COL24A1: variants seen among roughly 807,000 people sequenced by gnomAD.
COL24A1 encodes collagen alpha-1(XXIV) chain.
Under a neutral mutation model 253.9 loss-of-function variants are expected in COL24A1, and 224 were observed. The observed-to-expected ratio is 0.88, with a 90% CI of 0.79 to 0.99. The LOEUF (loss-of-function observed/expected upper bound fraction) is 0.99. Among genes scored for constraint, COL24A1 ranks in the 50% least tolerant of loss-of-function variants. COL24A1 has a pLI of 0.00. For synonymous variants in COL24A1, 685 were observed against 673.7 expected (o/e 1.02, Z -0.26); for missense variants, 2,131 against 2,068.5 (o/e 1.03, Z -0.59).
At chr1:86,031,607 G>A (rs149474008) in intron 14 of COL24A1, among the ~76,000 whole-genome samples, 373 of 152,082 alleles carry the variant, frequency 2.5e-3, no homozygotes, top group African/African-American at 8.6e-3. Context: ...TTTGTCTTAA[G>A]TATCCTTTAG....
intron 39 of COL24A1, among the ~76,000 whole-genome samples, chr1:85,843,334 A>T (rs946496772): frequency 2.0e-5 from 3 of 152,190 alleles, no homozygotes; most frequent in Non-Finnish European, 4.4e-5. Context: ...TTTCAGTCTA[A>T]AAAAGGAATT....
At chr1:86,142,455 A>ATG in intron 2 of COL24A1, among the ~76,000 whole-genome samples, 1 of 151,332 alleles carries the variant, frequency 6.6e-6, no homozygotes, top group Admixed American at 6.6e-5. Flanking sequence ...CCTGGGAGGC[A>ATG]GAGCTTGCAG....
chr1:86,083,025 C>T (rs1393862953), intron 7 of COL24A1, among the ~76,000 whole-genome samples: 3 of 151,958 alleles, frequency 2.0e-5, no homozygotes, highest in East Asian at 3.9e-4. Context: ...TGGCCGGGCA[C>T]GGTGGCTCAC....
At position 86,133,838 on chromosome 1, in the gene COL24A1, G is replaced by C. The variant is rs560099104; in HGVS notation, c.122-7624C>G. On this transcript the variant is annotated intron_variant, in intron 2 of 59. Coordinates refer to ENST00000370571, the MANE Select transcript of COL24A1 (RefSeq NM_152890.7). ...TTTTGTTGTGTCTCTGCCAGGCTTTGGTATCAGGATGATGCTGGCCTCATC... is the reference window on the plus strand; with the variant it reads ...TTTTGTTGTGTCTCTGCCAGGCTTTCGTATCAGGATGATGCTGGCCTCATC... Among the ~76,000 whole-genome samples the C allele has an allele frequency of 1.4e-4, 22 of 152,116 alleles. No homozygotes were observed. The South Asian group carries it at 4.6e-3, about 32-fold the overall frequency.
At position 85,943,368 on chromosome 1, in the gene COL24A1, T is replaced by C. The variant is rs115430248; in HGVS notation, c.2562+17881A>G. On this transcript the variant is annotated intron_variant, in intron 24 of 59. Coordinates refer to ENST00000370571, the MANE Select transcript of COL24A1 (RefSeq NM_152890.7). Reference sequence around the variant, plus strand: ...ACCATAATCATGTGAGCCAATTCTCTTAGTAAGTCCTTTCTCATATATCTG... The same window carrying C: ...ACCATAATCATGTGAGCCAATTCTCCTAGTAAGTCCTTTCTCATATATCTG... Among the ~76,000 whole-genome samples, 1,168 of 152,332 alleles carry C rather than the reference T, an allele frequency of 7.7e-3. 12 individuals are homozygous for C. The highest frequency in any genetic ancestry group is 0.027 in the Middle Eastern group (8 of 294).
Position 85,761,334 on chromosome 1 carries a change from T to A in COL24A1, c.4437+62A>T, listed in dbSNP as rs565997983. The A allele has an allele frequency of 1.2e-4, 187 of 1,568,686 alleles. 1 individual carries two copies. In the African/African-American group the frequency reaches 2.5e-3, roughly 21 times the overall value. ...TTAATAGAGAGTTAACAGAAGGATA[T>A]TTAAAAAGTTAATATGACATACTAA... On this transcript the variant is annotated intron_variant, in intron 55 of 59. Transcript: ENST00000370571.
chr1:85,945,017 T>TTTTTTTTTG lies in COL24A1; in HGVS notation c.2562+16231_2562+16232insCAAAAAAAA, dbSNP rs1689166633. Among the ~76,000 whole-genome samples, 29 of 92,744 alleles carry TTTTTTTTTG rather than the reference T, an allele frequency of 3.1e-4. 1 individual carries two copies. The highest frequency in any genetic ancestry group is 6.3e-4 in the Admixed American group (5 of 7,898). The allele number at this position is 92,744 out of a possible 152,430, so 60.8% of individuals were successfully genotyped here. ...CTATCATTGTGTTTTTTTTTTTTTT[T>TTTTTTTTTG]TTTTTTTTTTTTTTTTTTGAGACAG... On this transcript the variant is annotated intron_variant, in intron 24 of 59. Transcript: ENST00000370571.
Position 86,015,883 on chromosome 1 carries a change from C to CT in COL24A1, c.2310+1267dup, listed in dbSNP as rs34005326. On this transcript the variant is annotated intron_variant, in intron 19 of 59. Transcript: ENST00000370571. ...TGAAGTTTTGAAGACTCTACTTTTT[C>CT]TTTTTTTTTTTTTTTTTTGGAGACG... Among the ~76,000 whole-genome samples, 963 of 136,204 alleles carry CT rather than the reference C, an allele frequency of 7.1e-3. 3 individuals carry two copies. Among genetic ancestry groups the CT allele is most frequent in the Non-Finnish European group, 0.011 (659 of 62,126 alleles). The allele number at this position is 136,204 out of a possible 152,430, so 89.4% of individuals were successfully genotyped here.
intron 20 of COL24A1, among the ~76,000 whole-genome samples, chr1:85,977,726 A>T (rs1478361432): frequency 6.6e-6 from 1 of 152,190 alleles, no homozygotes; most frequent in Non-Finnish European, 1.5e-5. Context: ...AAATTTTAGG[A>T]TGGTGTTAAA....
rs148093254 is a variant in COL24A1, at chr1:85,957,132, T to C, written c.2562+4117A>G. ...GCATGTTCTCACACATAAGTGGGAG[T>C]TGAACAATGAGAACACATGGACACC... On this transcript the variant is annotated intron_variant, in intron 24 of 59. Coordinates refer to ENST00000370571, the MANE Select transcript of COL24A1 (RefSeq NM_152890.7). Among the ~76,000 whole-genome samples, 591 of 151,430 alleles carry C rather than the reference T, an allele frequency of 3.9e-3. 5 individuals are homozygous for C. The highest frequency in any genetic ancestry group is 0.014 in the African/African-American group (565 of 41,222).
chr1:86,151,092 T>C lies in COL24A1; in HGVS notation c.57-4909A>G, dbSNP rs551656451. On this transcript the variant is annotated intron_variant, in intron 1 of 59. Transcript: ENST00000370571. ...CATATATATAAAGGGTTTGTATATA[T>C]GTGTGTGTGTGTGTGTATACACATA... 2.4e-3 allele frequency among the ~76,000 whole-genome samples: 358 copies of C among 150,526 alleles called. 1 individual carries two copies. Among genetic ancestry groups the C allele is most frequent in the African/African-American group, 8.2e-3 (335 of 40,990 alleles).
At chr1:85,802,285 T>C (rs1671509474) in intron 47 of COL24A1, among the ~76,000 whole-genome samples, 1 of 152,198 alleles carries the variant, frequency 6.6e-6, no homozygotes, top group Non-Finnish European at 1.5e-5. Flanking sequence ...GCCTCCATGA[T>C]GTGGTCATTG....
At position 86,125,540 on chromosome 1, in the gene COL24A1, C is replaced by T. The variant is rs761873475; in HGVS notation, c.796G>A (p.Glu266Lys). 2 of 1,613,428 alleles carry T rather than the reference C, an allele frequency of 1.2e-6. No individual in the cohort carries two copies. The highest frequency in any genetic ancestry group is 1.7e-6 in the Non-Finnish European group (2 of 1,179,734). Residue 266 changes from glutamate (E) to lysine (K), a missense_variant, in exon 3 of 60, where the codon GAA (glutamate) becomes AAA (lysine). Transcript: ENST00000370571. ...CTTLIPTKIP[E>K]HSPPPKLFAE... ...AATAGTTTGGGCGGGGGAGAGTGTT[C>T]CGGTATCTTTGTTGGTATGAGAGTT...
At chr1:86,025,098 C>T (rs762993839) in intron 14 of COL24A1, among the ~76,000 whole-genome samples, 50 of 152,068 alleles carry the variant, frequency 3.3e-4, no homozygotes, top group Non-Finnish European at 6.2e-4. Flanking sequence ...TTCCAAGAAA[C>T]AGCATGTCAC....
intron 20 of COL24A1, among the ~76,000 whole-genome samples, chr1:85,982,649 C>T (rs1245279024): frequency 1.3e-5 from 2 of 151,994 alleles, no homozygotes; most frequent in Non-Finnish European, 2.9e-5. Flanking sequence ...AGATTATCCT[C>T]TCCTCTGAAC....
chr1:85,993,372 T>A (rs6576794), intron 19 of COL24A1, among the ~76,000 whole-genome samples: 70,399 of 151,028 alleles, frequency 0.47, 16,754 homozygotes, highest in East Asian at 0.61. Context: ...AATATATCCA[T>A]AAAACGAACA....
intron 12 of COL24A1, among the ~76,000 whole-genome samples, chr1:86,040,826 A>G (rs1483572964): frequency 1.3e-5 from 2 of 152,144 alleles, no homozygotes; most frequent in Non-Finnish European, 2.9e-5. Context: ...TTCTAGCTAG[A>G]GTTGTACTTT....
At chr1:86,109,450 T>C (rs1705321521) in intron 5 of COL24A1, among the ~76,000 whole-genome samples, 1 of 152,204 alleles carries the variant, frequency 6.6e-6, no homozygotes, top group Non-Finnish European at 1.5e-5. Context: ...TATTTAGCCA[T>C]CACTACAGCA....
At chr1:86,038,141 T>C (rs1174999367) in intron 12 of COL24A1, among the ~76,000 whole-genome samples, 4 of 152,160 alleles carry the variant, frequency 2.6e-5, no homozygotes, top group Non-Finnish European at 5.9e-5. Flanking sequence ...AATAATAATA[T>C]GCATTGTTTA....
Sources: allele counts gnomAD v4.1 joint callset (sites outside exome capture counted in the v4.1 genomes callset), GRCh38; gene constraint gnomAD v4.1.1; transcripts MANE v1.5; gene names NCBI Gene and HGNC (gene_info 2026-07-23, HGNC 2026-07-21).